The following CHRM3 variants were observed in gnomAD, a reference collection of about 807,000 sequenced individuals.
The protein encoded by CHRM3 is muscarinic acetylcholine receptor M3.
A neutral mutation model predicts 41.8 loss-of-function variants in CHRM3; 11 were observed. The observed-to-expected ratio is 0.26, with a 90% confidence interval of 0.17 to 0.44. The LOEUF is 0.44. CHRM3 is among the 20% of genes least tolerant of loss of function. CHRM3 has a pLI of 1.00. For missense variants in CHRM3, 571 were observed against 745.4 expected (o/e 0.77, Z 2.72); for synonymous variants, 297 against 301.4 (o/e 0.99, Z 0.15).
chr1:239,665,477 CAT>C (rs1467345996), intron 4 of CHRM3, among the ~76,000 whole-genome samples: 3 of 152,126 alleles, frequency 2.0e-5, no homozygotes, highest in South Asian at 2.1e-4. Flanking sequence ...TAACTGAAAA[CAT>C]AGAATTTGAG....
intron 3 of CHRM3, among the ~76,000 whole-genome samples, chr1:239,627,460 TG>T (rs1669103744): frequency 1.7e-5 from 2 of 115,812 alleles, no homozygotes; most frequent in African/African-American, 3.5e-5. Context: ...TTATCCAACT[TG>T]CCAGTCTGTG....
At chr1:239,758,332 C>G (rs550440527) in intron 5 of CHRM3, among the ~76,000 whole-genome samples, 80 of 152,226 alleles carry the variant, frequency 5.3e-4, no homozygotes, top group South Asian at 2.5e-3. Context: ...CAGCATCTTA[C>G]TTGGTGCTTG....
intron 4 of CHRM3, among the ~76,000 whole-genome samples, chr1:239,661,965 C>G (rs1366435831): frequency 1.3e-5 from 2 of 151,636 alleles, no homozygotes; most frequent in Non-Finnish European, 2.9e-5. Context: ...TACTTTTCTG[C>G]AAACCTAAAA....
intron 5 of CHRM3, among the ~76,000 whole-genome samples, chr1:239,736,691 T>C (rs1251884838): frequency 1.3e-5 from 2 of 152,222 alleles, no homozygotes; most frequent in African/African-American, 4.8e-5. Context: ...ACCTTGCTAA[T>C]GTTAGTTCCA....
chr1:239,618,269 TTTTC>T lies in CHRM3; in HGVS notation c.-312-13947_-312-13944del, dbSNP rs1250116545. 8.4e-4 allele frequency among the ~76,000 whole-genome samples: 110 copies of T among 130,294 alleles called. 3 individuals are homozygous for T. Among genetic ancestry groups the T allele is most frequent in the African/African-American group, 2.8e-3 (91 of 32,502 alleles). 85.5% of individuals were successfully genotyped at this position (130,294 alleles called of 152,430 possible). A position where few individuals can be genotyped will look rare whatever the true frequency, so the allele number is the denominator to read the frequency against. ...TGAATAGAGAGTAGGAGTACTTTTT[TTTTC>T]TTTCTTTTTTTTTTTTTTTTTTAAT... is the stretch of plus-strand genomic sequence containing the variant. On this transcript the variant is annotated intron_variant, in intron 3 of 6. Coordinates refer to ENST00000676153, the MANE Select transcript of CHRM3 (RefSeq NM_001375978.1).
intron 1 of CHRM3, among the ~76,000 whole-genome samples, chr1:239,464,915 A>G (rs1665613757): frequency 6.6e-6 from 1 of 152,130 alleles, no homozygotes; most frequent in East Asian, 1.9e-4. Flanking sequence ...AAGAGGTGTA[A>G]TTAATATCTA....
At chr1:239,765,807 T>A (rs2148684552) in intron 5 of CHRM3, among the ~76,000 whole-genome samples, 1 of 151,668 alleles carries the variant, frequency 6.6e-6, no homozygotes, top group Non-Finnish European at 1.5e-5. Flanking sequence ...AATGAGTATT[T>A]TCTTTTTTAT....
chr1:239,624,576 C>G (rs960433474), intron 3 of CHRM3, among the ~76,000 whole-genome samples: 43 of 151,578 alleles, frequency 2.8e-4, no homozygotes, highest in African/African-American at 9.8e-4. Flanking sequence ...TCCTTGCCCA[C>G]ACCTATGTCC....
intron 5 of CHRM3, among the ~76,000 whole-genome samples, chr1:239,697,823 G>T (rs1266767131): frequency 6.6e-6 from 1 of 152,166 alleles, no homozygotes; most frequent in Non-Finnish European, 1.5e-5. Flanking sequence ...ATTGTCTCCA[G>T]AGTGGTTTGT....
intron 2 of CHRM3, among the ~76,000 whole-genome samples, chr1:239,543,619 T>C (rs1023643321): frequency 6.6e-6 from 1 of 151,990 alleles, no homozygotes; most frequent in African/African-American, 2.4e-5. Context: ...GCCATTCTCC[T>C]GCCTCAGCCT....
At chr1:239,460,612 C>A (rs1374101874) in intron 1 of CHRM3, among the ~76,000 whole-genome samples, 2 of 152,036 alleles carry the variant, frequency 1.3e-5, no homozygotes, top group Non-Finnish European at 1.5e-5. Flanking sequence ...AATCTACACA[C>A]CTTCTTCCAA....
At chr1:239,663,115 G>T (rs889581464) in intron 4 of CHRM3, among the ~76,000 whole-genome samples, 1 of 151,644 alleles carries the variant, frequency 6.6e-6, no homozygotes, top group Non-Finnish European at 1.5e-5. Flanking sequence ...GGGCTGTCCC[G>T]GTGCCGGGCA....
chr1:239,480,760 G>A (rs538063483), intron 1 of CHRM3, among the ~76,000 whole-genome samples: 20 of 151,920 alleles, frequency 1.3e-4, no homozygotes, highest in Admixed American at 8.5e-4. Flanking sequence ...GAGTTTTACC[G>A]TGTTAGCCAG....
At chr1:239,403,972 AG>A (rs1278027114) in intron 1 of CHRM3, among the ~76,000 whole-genome samples, 1 of 67,870 alleles carries the variant, frequency 1.5e-5, no homozygotes, top group Non-Finnish European at 2.9e-5. Context: ...AGGGAGAGGG[AG>A]GGGGAGAGAG....
chr1:239,406,491 A>G (rs1432776422), intron 1 of CHRM3, among the ~76,000 whole-genome samples: 1 of 152,190 alleles, frequency 6.6e-6, no homozygotes, highest in Non-Finnish European at 1.5e-5. Context: ...GTTAAATCCA[A>G]CAAGTCACAT....
intron 1 of CHRM3, among the ~76,000 whole-genome samples, chr1:239,478,280 AAAG>A (rs1243834883): frequency 6.6e-6 from 1 of 152,196 alleles, no homozygotes; most frequent in East Asian, 1.9e-4. Flanking sequence ...CAGCCTGACA[AAAG>A]AAGGAGTGTA....
At chr1:239,410,656 C>T (rs1034266957) in intron 1 of CHRM3, among the ~76,000 whole-genome samples, 2 of 152,134 alleles carry the variant, frequency 1.3e-5, no homozygotes, top group Admixed American at 6.5e-5. Flanking sequence ...GGGTTCTGCC[C>T]CGTGCCTTTG....
intron 2 of CHRM3, among the ~76,000 whole-genome samples, chr1:239,505,489 T>G (rs993888643): frequency 2.9e-4 from 44 of 152,280 alleles, no homozygotes; most frequent in African/African-American, 1.0e-3. Context: ...CTGCACAAGC[T>G]CTCTTCTCTT....
intron 5 of CHRM3, among the ~76,000 whole-genome samples, chr1:239,819,029 G>A (rs1218925807): frequency 6.6e-6 from 1 of 152,198 alleles, no homozygotes; most frequent in African/African-American, 2.4e-5. Context: ...GGGGCCTAGT[G>A]CAGGAGCTCA....
Sources: gnomAD v4.1 joint callset for allele counts (sites outside exome capture counted in the v4.1 genomes callset) on GRCh38, gnomAD v4.1.1 for gene constraint, MANE v1.5 for transcripts, NCBI Gene and HGNC (gene_info 2026-07-23, HGNC 2026-07-21) for gene names.